The following SI variants were observed in gnomAD, a reference collection of about 807,000 sequenced individuals.
SI encodes the protein sucrase-isomaltase, intestinal.
In SI, 235 loss-of-function variants were observed where a neutral mutation model predicts 253.3. That is an observed-to-expected ratio of 0.93 (90% CI 0.83 to 1.03). The LOEUF is 1.03. Ranked by LOEUF, SI falls within the 50% of genes least tolerant of loss-of-function variation. The probability of loss-of-function intolerance (pLI) is 0.00; values close to 1 mark genes in which losing one functional copy is unlikely to be tolerated. For synonymous variants in SI, 819 were observed against 712.0 expected (o/e 1.15, Z -2.39); for missense variants, 2,442 against 2,211.1 (o/e 1.10, Z -2.09).
chr3:165,067,840 C>T (rs1352506099), intron 5 of SI, among the ~76,000 whole-genome samples: 3 of 151,386 alleles, frequency 2.0e-5, no homozygotes, highest in Non-Finnish European at 4.4e-5. Context: ...GTGTTTGGGT[C>T]CTTATATAAC....
At chr3:165,064,250 A>C (rs1714117568) in intron 7 of SI, among the ~76,000 whole-genome samples, 1 of 152,064 alleles carries the variant, frequency 6.6e-6, no homozygotes. Flanking sequence ...TGAAGAGCTG[A>C]CATGATAGAG....
chr3:165,080,931 G>GA (rs937978582), upstream of SI, among the ~76,000 whole-genome samples: 31 of 148,506 alleles, frequency 2.1e-4, no homozygotes, highest in South Asian at 2.1e-4. Context: ...GAAACAGACA[G>GA]AAAAAAAAAA....
chr3:164,990,598 G>A (rs1466969871), intron 44 of SI, among the ~76,000 whole-genome samples: 2 of 152,028 alleles, frequency 1.3e-5, no homozygotes, highest in Non-Finnish European at 2.9e-5. Flanking sequence ...TCCTTTGTAG[G>A]GACATAGATG....
chr3:165,004,617 A>T (rs1316554621), intron 37 of SI, among the ~76,000 whole-genome samples: 1 of 152,178 alleles, frequency 6.6e-6, no homozygotes, highest in Non-Finnish European at 1.5e-5. Context: ...GCTATAAAAA[A>T]GAATAAAATC....
At chr3:165,082,560 TTTCCCTTC>T, upstream of SI, among the ~76,000 whole-genome samples, 1 of 152,012 alleles carries the variant, frequency 6.6e-6, no homozygotes, top group Non-Finnish European at 1.5e-5. Context: ...CTCCCCTACT[TTTCCCTTC>T]ATAACAATGT....
intron 19 of SI, 84 bp downstream of exon 19, chr3:165,039,803 C>A (rs1712722033): frequency 2.1e-6 from 2 of 934,962 alleles, no homozygotes; most frequent in Non-Finnish European, 3.6e-6. Context: ...TGAGTAACAT[C>A]TATTATTCAG....
chr3:165,085,310 A>G, the SI span, among the ~76,000 whole-genome samples: 1 of 152,192 alleles, frequency 6.6e-6, no homozygotes, highest in Admixed American at 6.6e-5. Context: ...AAATTTTTTG[A>G]AAGTAATGAA....
the SI span, among the ~76,000 whole-genome samples, chr3:165,087,123 A>G: frequency 6.7e-6 from 1 of 149,892 alleles, no homozygotes; most frequent in Non-Finnish European, 1.5e-5. Flanking sequence ...AAATAGAAAC[A>G]AACGAACAAA....
At chr3:165,057,117 T>G (rs961315108) in intron 12 of SI, among the ~76,000 whole-genome samples, 1 of 151,812 alleles carries the variant, frequency 6.6e-6, no homozygotes, top group Non-Finnish European at 1.5e-5. Context: ...TAGGGTTCTA[T>G]CAGATAAATT....
intron 24 of SI, 32 bp from the exon 25 acceptor site, chr3:165,030,899 G>GAAAAAAAAAAAAAAAAAAAAAAA: frequency 8.9e-7 from 1 of 1,127,394 alleles, no homozygotes; most frequent in East Asian, 3.4e-5. Context: ...AAGAAAAAAA[G>GAAAAAAAAAAAAAAAAAAAAAAA]AAAAAAAAAA....
At chr3:165,036,862 G>C (rs1712560697) in intron 21 of SI, among the ~76,000 whole-genome samples, 2 of 150,382 alleles carry the variant, frequency 1.3e-5, no homozygotes, top group South Asian at 4.2e-4. Flanking sequence ...TACATCTTAT[G>C]AGAAAAAAAA....
intron 3 of SI, among the ~76,000 whole-genome samples, chr3:165,071,162 C>G (rs1030973597): frequency 4.9e-4 from 75 of 152,060 alleles, no homozygotes; most frequent in Non-Finnish European, 8.7e-4. Context: ...TCTGCGATTC[C>G]AAGTAGACAC....
chr3:165,003,134 A>AT (rs761308050), intron 37 of SI, among the ~76,000 whole-genome samples: 14 of 151,866 alleles, frequency 9.2e-5, no homozygotes, highest in Non-Finnish European at 1.9e-4. Context: ...ATAATGATGA[A>AT]TTTATTTAAA....
At chr3:165,010,242 C>T (rs111834559) in intron 34 of SI, among the ~76,000 whole-genome samples, 5 of 152,210 alleles carry the variant, frequency 3.3e-5, no homozygotes, top group African/African-American at 1.2e-4. Flanking sequence ...TCACTGCAAC[C>T]TCTGTCTCCC....
At chr3:165,003,996 C>T (rs185735771) in intron 37 of SI, among the ~76,000 whole-genome samples, 4 of 151,976 alleles carry the variant, frequency 2.6e-5, no homozygotes, top group African/African-American at 2.4e-5. Flanking sequence ...AATCAAAAGA[C>T]GCAGTGAAAA....
In SI at chr3:165,057,874, T is replaced by C. The variant is rs375387730; in HGVS notation, c.1398+1089A>G. On this transcript the variant is annotated intron_variant, in intron 12 of 47. Coordinates refer to ENST00000264382, the MANE Select transcript of SI (RefSeq NM_001041.4). The stretch of plus-strand genomic sequence containing the variant: ...TCTTTGTACAGCATTGTACAGATCA[T>C]CCAGACAGACAGAAAACCAACAAAG... Among the ~76,000 whole-genome samples, 38 of 152,114 alleles carry C rather than the reference T, an allele frequency of 2.5e-4. 1 individual carries two copies. The East Asian group carries it at 5.0e-3, about 20-fold the overall frequency.
At chr3:165,073,131 T>C (rs747788229) in intron 3 of SI, among the ~76,000 whole-genome samples, 3 of 151,728 alleles carry the variant, frequency 2.0e-5, no homozygotes, top group Non-Finnish European at 4.4e-5. Context: ...TCAAAACCCA[T>C]ATTGTTCCTA....
At chr3:164,985,390 A>T (rs553247161) in intron 45 of SI, among the ~76,000 whole-genome samples, 2 of 152,286 alleles carry the variant, frequency 1.3e-5, no homozygotes, top group South Asian at 4.1e-4. Flanking sequence ...GCGGTGATGA[A>T]GGTCAGAGCT....
At chr3:165,077,206 T>C (rs948145670) in intron 1 of SI, among the ~76,000 whole-genome samples, 2 of 151,610 alleles carry the variant, frequency 1.3e-5, no homozygotes, top group Non-Finnish European at 3.0e-5. Context: ...ATTGCCTTCA[T>C]ACCTGCTGTT....
Sources: allele counts gnomAD v4.1 joint callset (sites outside exome capture counted in the v4.1 genomes callset), GRCh38; gene constraint gnomAD v4.1.1; transcripts MANE v1.5; gene names NCBI Gene and HGNC (gene_info 2026-07-23, HGNC 2026-07-21).